Variants in GRID1 observed in about 807,000 individuals in gnomAD.
The protein encoded by GRID1 is glutamate receptor ionotropic, delta-1.
GRID1 carries 28 observed loss-of-function variants against 98.0 expected under a neutral mutation model. The ratio of observed to expected loss-of-function variants is 0.29; its 90% CI spans 0.21 to 0.39. The LOEUF (loss-of-function observed/expected upper bound fraction) is 0.39. Among genes scored for constraint, GRID1 ranks in the 10% least tolerant of loss-of-function variants. The pLI is 1.00. For synonymous variants in GRID1, 553 were observed against 538.5 expected (o/e 1.03, Z -0.37); for missense variants, 1,111 against 1,340.5 (o/e 0.83, Z 2.67).
chr10:86,218,261 C>T lies in GRID1; in HGVS notation c.236-11613G>A, dbSNP rs531280283. On this transcript the variant is annotated intron_variant, in intron 2 of 15. Coordinates refer to ENST00000327946, the MANE Select transcript of GRID1 (RefSeq NM_017551.3). ...TACTCCCCCCACCGCAGCCTATGTC[C>T]TGCCTCCCTGGTAGGGCTGACTGCT... 5.7e-4 allele frequency among the ~76,000 whole-genome samples: 87 copies of T among 152,248 alleles called. 1 individual carries two copies. The highest frequency in any genetic ancestry group is 2.1e-3 in the African/African-American group (86 of 41,526).
intron 2 of GRID1, among the ~76,000 whole-genome samples, chr10:86,338,234 G>A (rs1848255298): frequency 6.6e-6 from 1 of 151,258 alleles, no homozygotes; most frequent in Admixed American, 6.6e-5. Context: ...TTGTTGCACT[G>A]ATTGGTTCAT....
intron 5 of GRID1, among the ~76,000 whole-genome samples, chr10:85,881,694 C>G (rs1310108279): frequency 6.6e-6 from 1 of 152,074 alleles, no homozygotes; most frequent in East Asian, 1.9e-4. Flanking sequence ...TAGGCAATAC[C>G]ATTCAGGACA....
intron 8 of GRID1, among the ~76,000 whole-genome samples, chr10:85,745,811 T>G (rs982887524): frequency 6.6e-6 from 1 of 151,560 alleles, no homozygotes; most frequent in Admixed American, 6.6e-5. Flanking sequence ...AAGAGAGACA[T>G]TTAGATCCCT....
At chr10:85,758,985 C>A (rs1410282632) in intron 8 of GRID1, among the ~76,000 whole-genome samples, 1 of 152,222 alleles carries the variant, frequency 6.6e-6, no homozygotes, top group Non-Finnish European at 1.5e-5. Context: ...AATAATAGCA[C>A]TTGCCTTGTA....
chr10:86,057,409 A>G (rs903584111), intron 4 of GRID1, among the ~76,000 whole-genome samples: 3 of 152,168 alleles, frequency 2.0e-5, no homozygotes, highest in African/African-American at 7.2e-5. Flanking sequence ...ATGGCCAGAC[A>G]TGGCCTGTAT....
At chr10:85,941,335 A>G (rs1388138614) in intron 4 of GRID1, among the ~76,000 whole-genome samples, 1 of 152,240 alleles carries the variant, frequency 6.6e-6, no homozygotes, top group East Asian at 1.9e-4. Context: ...ATTAAAAGAA[A>G]AAAATATAGG....
chr10:86,097,541 A>G (rs1430541215), intron 4 of GRID1, among the ~76,000 whole-genome samples: 2 of 152,150 alleles, frequency 1.3e-5, no homozygotes, highest in Non-Finnish European at 2.9e-5. Context: ...CTGTCTGTCT[A>G]TCTATCATCT....
chr10:85,915,195 CACAA>C (rs1448322019), intron 5 of GRID1, among the ~76,000 whole-genome samples: 2 of 152,094 alleles, frequency 1.3e-5, no homozygotes, highest in Admixed American at 6.5e-5. Flanking sequence ...TGGTTGCACA[CACAA>C]ACATACTTAC....
intron 4 of GRID1, among the ~76,000 whole-genome samples, chr10:86,117,750 A>G (rs1477612196): frequency 6.6e-6 from 1 of 152,274 alleles, no homozygotes. Context: ...GCAAATCAAA[A>G]GCACAATGTG....
chr10:86,154,721 G>A (rs190804760), intron 3 of GRID1, among the ~76,000 whole-genome samples: 16 of 152,262 alleles, frequency 1.1e-4, no homozygotes, highest in Admixed American at 5.9e-4. Flanking sequence ...GTAGAAGCTC[G>A]AGTCCAACAG....
intron 4 of GRID1, among the ~76,000 whole-genome samples, chr10:86,093,887 T>C (rs1055094242): frequency 2.0e-5 from 3 of 152,050 alleles, no homozygotes; most frequent in Non-Finnish European, 4.4e-5. Flanking sequence ...GGAAAGGACG[T>C]AACCAAAAAA....
chr10:85,654,752 TC>T (rs1170067383), intron 12 of GRID1, among the ~76,000 whole-genome samples: 3 of 152,200 alleles, frequency 2.0e-5, no homozygotes, highest in Non-Finnish European at 4.4e-5. Context: ...TCAGGGCCCA[TC>T]AGTACTGAGG....
chr10:85,977,799 C>G (rs1282567752), intron 4 of GRID1, among the ~76,000 whole-genome samples: 1 of 152,162 alleles, frequency 6.6e-6, no homozygotes, highest in Non-Finnish European at 1.5e-5. Flanking sequence ...ACCTCCCCGC[C>G]GACCCAGTGA....
At chr10:85,682,914 G>A (rs1164523035) in intron 12 of GRID1, among the ~76,000 whole-genome samples, 1 of 152,250 alleles carries the variant, frequency 6.6e-6, no homozygotes, top group African/African-American at 2.4e-5. Flanking sequence ...CCCCAGGGAA[G>A]ATGGCACATG....
At chr10:85,906,069 T>C (rs1031682981) in intron 5 of GRID1, among the ~76,000 whole-genome samples, 3 of 152,098 alleles carry the variant, frequency 2.0e-5, no homozygotes, top group Non-Finnish European at 4.4e-5. Context: ...AAAGGTATTA[T>C]ACTAACACAA....
At chr10:85,742,767 T>C (rs2132675011) in intron 8 of GRID1, among the ~76,000 whole-genome samples, 1 of 152,234 alleles carries the variant, frequency 6.6e-6, no homozygotes, top group East Asian at 1.9e-4. Flanking sequence ...GGAAGAGAAG[T>C]CTAATTACTC....
chr10:85,868,981 G>C, intron 6 of GRID1, 29 bp downstream of exon 6: 1 of 1,602,178 alleles, frequency 6.2e-7, no homozygotes, highest in Non-Finnish European at 8.5e-7. Flanking sequence ...TTGGTGGAGG[G>C]GACTGGAGAG....
chr10:85,624,644 TA>T (rs1050192766), intron 13 of GRID1, among the ~76,000 whole-genome samples: 4 of 152,192 alleles, frequency 2.6e-5, no homozygotes, highest in African/African-American at 9.7e-5. Context: ...AGCGGTTTCT[TA>T]AAAAATTGAT....
intron 3 of GRID1, among the ~76,000 whole-genome samples, chr10:86,180,691 GC>G (rs1210994031): frequency 5.3e-5 from 8 of 152,154 alleles, no homozygotes; most frequent in Non-Finnish European, 1.2e-4. Flanking sequence ...TGAGCTGCAG[GC>G]AGGAACAAGG....
Sources: gnomAD v4.1 joint callset for allele counts (sites outside exome capture counted in the v4.1 genomes callset) on GRCh38, gnomAD v4.1.1 for gene constraint, MANE v1.5 for transcripts, NCBI Gene and HGNC (gene_info 2026-07-23, HGNC 2026-07-21) for gene names.